RGS6: variants seen among roughly 807,000 people sequenced by gnomAD.
RGS6 encodes the protein regulator of G protein signaling 6.
In RGS6, 30 loss-of-function variants were observed where a neutral mutation model predicts 78.5. The observed-to-expected ratio is 0.38, with a 90% CI of 0.29 to 0.52. The LOEUF (loss-of-function observed/expected upper bound fraction) is 0.52. Ranked by LOEUF, RGS6 falls within the 20% of genes least tolerant of loss-of-function variation. The probability of loss-of-function intolerance (pLI) is 0.85; values close to 1 mark genes in which losing one functional copy is unlikely to be tolerated. For missense variants in RGS6, 495 were observed against 609.7 expected (o/e 0.81, Z 1.98); for synonymous variants, 206 against 206.0 (o/e 1.00, Z 0.00).
At chr14:72,427,638 T>C (rs772482057) in intron 3 of RGS6, among the ~76,000 whole-genome samples, 1 of 152,030 alleles carries the variant, frequency 6.6e-6, no homozygotes, top group Non-Finnish European at 1.5e-5. Flanking sequence ...TCTCTCTATT[T>C]TTGTTAACTC....
chr14:72,550,880 C>A (rs2097497602), intron 17 of RGS6, among the ~76,000 whole-genome samples: 1 of 152,030 alleles, frequency 6.6e-6, no homozygotes. Flanking sequence ...CGCTTTGTTG[C>A]CTAGGCTGGA....
At chr14:72,536,310 T>A (rs1399460760) in intron 16 of RGS6, 35 bp downstream of exon 16, 1 of 1,456,384 alleles carries the variant, frequency 6.9e-7, no homozygotes, top group Non-Finnish European at 9.6e-7. Flanking sequence ...CTCTTAGCAC[T>A]GTTGACTCTT....
the RGS6 span, among the ~76,000 whole-genome samples, chr14:72,621,878 G>C: frequency 3.3e-5 from 5 of 152,320 alleles, no homozygotes; most frequent in Non-Finnish European, 4.4e-5. Context: ...CACCCAATGG[G>C]ACATGGGAGG....
chr14:72,225,874 C>T (rs921315436), intron 2 of RGS6, among the ~76,000 whole-genome samples: 1 of 152,146 alleles, frequency 6.6e-6, no homozygotes, highest in Non-Finnish European at 1.5e-5. Context: ...TTTATGTATA[C>T]TTTAAGGGTC....
intron 2 of RGS6, among the ~76,000 whole-genome samples, chr14:72,137,386 A>G (rs1461653687): frequency 2.0e-5 from 3 of 152,208 alleles, no homozygotes; most frequent in African/African-American, 7.2e-5. Context: ...TGGATGTCCT[A>G]TAGTTTGGCC....
At position 71,967,405 on chromosome 14, in the gene RGS6, T is replaced by C. The variant is rs578114002; in HGVS notation, c.84+2530T>C. On this transcript the variant is annotated intron_variant, in intron 2 of 17. Coordinates refer to ENST00000553525, the MANE Select transcript of RGS6 (RefSeq NM_001204424.2). ...TCATATAGTTTTCTACTCCTGATGC[T>C]GTAGGCTGCCTTTTGGCTACAACCA... Among the ~76,000 whole-genome samples, 22 of 152,282 alleles carry C rather than the reference T, an allele frequency of 1.4e-4. 1 individual carries two copies. In the East Asian group the frequency reaches 3.7e-3, roughly 25 times the overall value.
At chr14:72,196,147 G>C (rs982064422) in intron 2 of RGS6, among the ~76,000 whole-genome samples, 15 of 152,080 alleles carry the variant, frequency 9.9e-5, no homozygotes, top group African/African-American at 3.4e-4. Flanking sequence ...CGAGAGACAC[G>C]GAGAAGGTGG....
At chr14:72,001,285 T>G (rs1166286212) in intron 2 of RGS6, among the ~76,000 whole-genome samples, 1 of 152,202 alleles carries the variant, frequency 6.6e-6, no homozygotes, top group East Asian at 1.9e-4. Context: ...TTGTGGAATA[T>G]GAAATCAGTG....
chr14:72,318,052 G>T (rs935529799), intron 2 of RGS6, among the ~76,000 whole-genome samples: 1 of 152,090 alleles, frequency 6.6e-6, no homozygotes, highest in African/African-American at 2.4e-5. Context: ...CCCAAGCAGA[G>T]GCTGCCCCAC....
At chr14:72,245,733 G>T (rs531977641) in intron 2 of RGS6, among the ~76,000 whole-genome samples, 2 of 152,178 alleles carry the variant, frequency 1.3e-5, no homozygotes, top group African/African-American at 4.8e-5. Context: ...CCAGAGTTTG[G>T]GGGGGCTTGC....
At chr14:72,056,994 T>C (rs1314095408) in intron 2 of RGS6, among the ~76,000 whole-genome samples, 1 of 152,138 alleles carries the variant, frequency 6.6e-6, no homozygotes, top group East Asian at 1.9e-4. Context: ...GTGGGATATA[T>C]TTTTGTATGT....
At chr14:72,523,030 C>T (rs1434503241) in intron 15 of RGS6, among the ~76,000 whole-genome samples, 1 of 152,254 alleles carries the variant, frequency 6.6e-6, no homozygotes, top group East Asian at 1.9e-4. Flanking sequence ...TGCCAAGAGA[C>T]TCACACTGCC....
At chr14:72,543,051 C>A (rs2097347078) in intron 17 of RGS6, among the ~76,000 whole-genome samples, 1 of 152,178 alleles carries the variant, frequency 6.6e-6, no homozygotes, top group African/African-American at 2.4e-5. Flanking sequence ...ATATACAAAG[C>A]AAATGTCTGG....
At chr14:71,899,709 C>T in the RGS6 span, among the ~76,000 whole-genome samples, 1 of 152,202 alleles carries the variant, frequency 6.6e-6, no homozygotes, top group Non-Finnish European at 1.5e-5. Context: ...ACAAGATTTT[C>T]TCTTCTGGAT....
chr14:72,619,393 A>G, the RGS6 span: 1 of 1,535,776 alleles, frequency 6.5e-7, no homozygotes, highest in Non-Finnish European at 8.7e-7. Context: ...CGGCTTTAGT[A>G]GCAGCCCCTC....
chr14:72,507,894 G>C (rs2096828857), intron 13 of RGS6, among the ~76,000 whole-genome samples: 2 of 152,234 alleles, frequency 1.3e-5, no homozygotes, highest in South Asian at 2.1e-4. Context: ...GGCAGAAAGA[G>C]ACAATGTCCT....
chr14:72,389,781 A>T (rs886719185), intron 3 of RGS6, among the ~76,000 whole-genome samples: 1 of 152,170 alleles, frequency 6.6e-6, no homozygotes, highest in African/African-American at 2.4e-5. Flanking sequence ...ACAACAAAAA[A>T]CTGTGGCTAG....
At chr14:72,101,175 CTCAAAAACAAACAA>C (rs1382434459) in intron 2 of RGS6, among the ~76,000 whole-genome samples, 3 of 152,170 alleles carry the variant, frequency 2.0e-5, no homozygotes, top group Non-Finnish European at 1.5e-5. Flanking sequence ...GAGACCCTGT[CTCAAAAACAAACAA>C]ACAAAAACCT....
intron 2 of RGS6, among the ~76,000 whole-genome samples, chr14:72,119,875 G>T (rs190095055): frequency 8.5e-4 from 130 of 152,348 alleles, no homozygotes; most frequent in African/African-American, 3.0e-3. Flanking sequence ...AGAAAAGCCT[G>T]AAACCTTGGC....
Sources: gnomAD v4.1 joint callset for allele counts (sites outside exome capture counted in the v4.1 genomes callset) on GRCh38, gnomAD v4.1.1 for gene constraint, MANE v1.5 for transcripts, NCBI Gene and HGNC (gene_info 2026-07-23, HGNC 2026-07-21) for gene names.